TMEM132B: variants seen among roughly 807,000 people sequenced by gnomAD.
TMEM132B encodes transmembrane protein 132B.
TMEM132B carries 18 observed loss-of-function variants against 90.8 expected under a neutral mutation model. That is an observed-to-expected ratio of 0.20 (90% CI 0.14 to 0.29). The LOEUF (loss-of-function observed/expected upper bound fraction) is 0.29, where lower values mean the gene tolerates loss of function less well. TMEM132B is among the 10% of genes least tolerant of loss of function. TMEM132B has a pLI of 1.00. For synonymous variants in TMEM132B, 504 were observed against 523.3 expected, an observed-to-expected ratio of 0.96 and a Z score of 0.50; for missense variants, 1,096 against 1,326.8, an observed-to-expected ratio of 0.83 and a Z score of 2.70.
chr12:125,252,828 C>T (rs553527625), intron 1 of TMEM132B, among the ~76,000 whole-genome samples: 4 of 152,190 alleles, frequency 2.6e-5, no homozygotes, highest in African/African-American at 7.2e-5. Context: ...AGTCACTCTC[C>T]GGTCTGTGCA....
chr12:125,464,475 C>T (rs77377986), intron 3 of TMEM132B, among the ~76,000 whole-genome samples: 2,352 of 152,188 alleles, frequency 0.015, 61 homozygotes, highest in African/African-American at 0.053. Context: ...TTGTCATTTC[C>T]CCAAGTAGAT....
intron 1 of TMEM132B, among the ~76,000 whole-genome samples, chr12:125,231,897 A>G (rs1174100648): frequency 6.7e-6 from 1 of 149,942 alleles, no homozygotes; most frequent in Non-Finnish European, 1.5e-5. Flanking sequence ...CCCCCCCACC[A>G]AAACTCAGTC....
intron 1 of TMEM132B, among the ~76,000 whole-genome samples, chr12:125,207,357 T>C (rs1031373353): frequency 6.2e-4 from 94 of 152,318 alleles, no homozygotes; most frequent in African/African-American, 2.2e-3. Flanking sequence ...GTGCTGGCAT[T>C]GTAGCCCCTG....
rs1442721840 is a variant in TMEM132B, at chr12:125,415,442, A to G, written c.960-89A>G. 1.4e-6 allele frequency: 2 copies of G among 1,464,208 alleles called. No homozygotes were observed. Among genetic ancestry groups the G allele is most frequent in the Admixed American group, 2.0e-5 (1 of 50,126 alleles). 90.7% of individuals were successfully genotyped at this position (1,464,208 alleles called of 1,614,324 possible). ...GGGGCGATGTTACAGATGCTTTCCC[A>G]GTGATCTGCTCTCGTGCCATCTTTT... On this transcript the variant is annotated intron_variant, in intron 2 of 8. Transcript: ENST00000682704. This position sits in a 1 kb window ranked among gnomAD's most constrained non-coding sequence, Gnocchi z 5.3.
At chr12:125,330,333 C>CTTTCTTTT (rs1325064469) in intron 1 of TMEM132B, among the ~76,000 whole-genome samples, 1 of 124,462 alleles carries the variant, frequency 8.0e-6, no homozygotes, top group Admixed American at 8.0e-5. Flanking sequence ...TAAGGGGTTT[C>CTTTCTTTT]TTTTTTTTTT....
chr12:125,497,382 T>G (rs934398791), intron 3 of TMEM132B, among the ~76,000 whole-genome samples: 1 of 152,218 alleles, frequency 6.6e-6, no homozygotes, highest in Non-Finnish European at 1.5e-5. Flanking sequence ...GAGGAATATT[T>G]CAGGCCGATT....
intron 1 of TMEM132B, among the ~76,000 whole-genome samples, chr12:125,221,912 T>C (rs1873568563): frequency 1.3e-5 from 2 of 152,174 alleles, no homozygotes; most frequent in Non-Finnish European, 2.9e-5. Flanking sequence ...ACTAGCGTGG[T>C]TGGGGCAATC....
intron 3 of TMEM132B, among the ~76,000 whole-genome samples, chr12:125,439,754 T>C (rs1880813478): frequency 6.6e-6 from 1 of 152,172 alleles, no homozygotes. Flanking sequence ...CCAGTTTTCA[T>C]GGGGAATGCT....
intron 1 of TMEM132B, among the ~76,000 whole-genome samples, chr12:125,304,383 T>C (rs1221994239): frequency 6.6e-6 from 1 of 152,160 alleles, no homozygotes; most frequent in African/African-American, 2.4e-5. Flanking sequence ...AATTTATTTA[T>C]TTTGGTTGCT....
intron 1 of TMEM132B, among the ~76,000 whole-genome samples, chr12:125,208,974 C>G (rs918211063): frequency 1.3e-5 from 2 of 152,162 alleles, no homozygotes; most frequent in Non-Finnish European, 2.9e-5. Flanking sequence ...GCTGTGTCCC[C>G]TCTGAGTGCT....
At chr12:125,286,775 C>T (rs1446034213) in intron 1 of TMEM132B, among the ~76,000 whole-genome samples, 2 of 151,960 alleles carry the variant, frequency 1.3e-5, no homozygotes, top group African/African-American at 4.8e-5. Context: ...ACAATCTTGG[C>T]TCACTGCAAC....
At chr12:125,383,945 C>A (rs117609316) in intron 2 of TMEM132B, among the ~76,000 whole-genome samples, 1 of 152,070 alleles carries the variant, frequency 6.6e-6, no homozygotes, top group African/African-American at 2.4e-5. Flanking sequence ...CTCTGTATTT[C>A]TTTCTTTCTT....
intron 4 of TMEM132B, among the ~76,000 whole-genome samples, chr12:125,543,337 A>G (rs1884004691): frequency 6.6e-6 from 1 of 152,242 alleles, no homozygotes; most frequent in Admixed American, 6.5e-5. Flanking sequence ...ATAAACAACA[A>G]TACAACAATA....
chr12:125,580,307 G>T (rs1885026774), intron 4 of TMEM132B, among the ~76,000 whole-genome samples: 1 of 152,166 alleles, frequency 6.6e-6, no homozygotes. Flanking sequence ...GTTATCCACT[G>T]CTTCAGGCAG....
chr12:125,274,513 G>C (rs1874934830), intron 1 of TMEM132B, among the ~76,000 whole-genome samples: 1 of 152,220 alleles, frequency 6.6e-6, no homozygotes, highest in African/African-American at 2.4e-5. Context: ...GAGGTGTTCC[G>C]ATCATGGTGC....
chr12:125,200,561 A>G (rs2136056491), intron 1 of TMEM132B, among the ~76,000 whole-genome samples: 1 of 152,332 alleles, frequency 6.6e-6, no homozygotes. Context: ...TTCCTCAGGC[A>G]TAGAAAGGGA....
chr12:125,588,113 A>T (rs946268487), intron 5 of TMEM132B: 13 of 152,288 alleles, frequency 8.5e-5, no homozygotes, highest in Admixed American at 5.9e-4. Flanking sequence ...AAGACTGCAG[A>T]GGTAGTGAGT....
At chr12:125,378,892 A>G (rs188645617) in intron 2 of TMEM132B, among the ~76,000 whole-genome samples, 8 of 152,268 alleles carry the variant, frequency 5.3e-5, no homozygotes, top group Non-Finnish European at 8.8e-5. Flanking sequence ...TCATATGGGG[A>G]GAAGGACACT....
chr12:125,229,870 C>T (rs938703046), intron 1 of TMEM132B, among the ~76,000 whole-genome samples: 1 of 152,328 alleles, frequency 6.6e-6, no homozygotes, highest in Non-Finnish European at 1.5e-5. Flanking sequence ...AGCTATTGCT[C>T]GATAGATTAA....
Sources: gnomAD v4.1 joint callset for allele counts (sites outside exome capture counted in the v4.1 genomes callset) on GRCh38, gnomAD v4.1.1 for gene constraint, Gnocchi (gnomAD v3.1) non-coding constraint, MANE v1.5 for transcripts, NCBI Gene and HGNC (gene_info 2026-07-23, HGNC 2026-07-21) for gene names.